The following PTPN4 variants were observed in gnomAD, a reference collection of about 807,000 sequenced individuals.
The protein encoded by PTPN4 is protein tyrosine phosphatase non-receptor type 4, also known as tyrosine-protein phosphatase non-receptor type 4.
Under a neutral mutation model 135.5 loss-of-function variants are expected in PTPN4, and 49 were observed. The ratio of observed to expected loss-of-function variants is 0.36; its 90% CI spans 0.29 to 0.46. The LOEUF (loss-of-function observed/expected upper bound fraction) is 0.46, where lower values mean the gene tolerates loss of function less well. Ranked by LOEUF, PTPN4 falls within the 20% of genes least tolerant of loss-of-function variation. The pLI is 1.00. For synonymous variants in PTPN4, 333 were observed against 369.9 expected (o/e 0.90, Z 1.14); for missense variants, 860 against 1,101.0 (o/e 0.78, Z 3.10).
At chr2:119,821,184 CCAGGTTCAAGTGATTCTTCTGCCT>C (rs1677064086) in intron 2 of PTPN4, among the ~76,000 whole-genome samples, 1 of 151,420 alleles carries the variant, frequency 6.6e-6, no homozygotes, top group Non-Finnish European at 1.5e-5. Context: ...CCTCCGCCTC[CCAGGTTCAAGTGATTCTTCTGCCT>C]CAGCCTCCCA....
chr2:119,903,003 A>G (rs375228220), intron 10 of PTPN4, among the ~76,000 whole-genome samples: 18 of 152,050 alleles, frequency 1.2e-4, no homozygotes, highest in African/African-American at 4.3e-4. Flanking sequence ...GCATTTCCCC[A>G]CTGACAACCC....
At chr2:119,816,916 G>T (rs1676995851) in intron 2 of PTPN4, among the ~76,000 whole-genome samples, 1 of 152,170 alleles carries the variant, frequency 6.6e-6, no homozygotes, top group African/African-American at 2.4e-5. Flanking sequence ...GCAATCTCAA[G>T]CAGTTGATTC....
chr2:119,777,325 T>C (rs1690854175), intron 1 of PTPN4, among the ~76,000 whole-genome samples: 2 of 152,214 alleles, frequency 1.3e-5, no homozygotes, highest in African/African-American at 4.8e-5. Flanking sequence ...AGCCATGGCT[T>C]TCCTGAGCAC....
chr2:119,859,112 C>G (rs889598737), intron 2 of PTPN4, among the ~76,000 whole-genome samples: 2 of 151,958 alleles, frequency 1.3e-5, no homozygotes, highest in African/African-American at 4.8e-5. Context: ...TATTACTTTG[C>G]TGAAATAATC....
In PTPN4 at chr2:119,967,937, A is replaced by G. The variant is rs747402688; in HGVS notation, c.2659A>G (p.Met887Val). ...PVYPLDIVRTMRDQRAMMIQT... is the reference protein window; with the variant it reads ...PVYPLDIVRTVRDQRAMMIQT... ...TTATCCACTAGATATTGTAAGAACA[A>G]TGAGAGATCAGCGAGCCATGATGAT... Residue 887 changes from methionine (M) to valine (V), a missense_variant, in exon 26 of 27, where the codon ATG becomes GTG. Met to Val is a conservative substitution (Grantham distance 21). Transcript: ENST00000263708. 2 of 1,608,340 alleles carry G rather than the reference A, an allele frequency of 1.2e-6. No homozygotes were observed. Among genetic ancestry groups the G allele is most frequent in the Non-Finnish European group, 1.7e-6 (2 of 1,176,062 alleles).
At chr2:119,870,826 G>C (rs1558750249) in intron 3 of PTPN4, among the ~76,000 whole-genome samples, 1 of 151,926 alleles carries the variant, frequency 6.6e-6, no homozygotes, top group Admixed American at 6.6e-5. Flanking sequence ...AGTATAGTTG[G>C]GTAAGAGTTG....
rs569252282 is a variant in PTPN4, at chr2:119,917,464, T to C, written c.828+2222T>C. ...AAGATGGTATACAGGCCAGGTGCGGTGGCTCACGCCTGTAATCCCAGCACT... is the reference window on the plus strand; with the variant it reads ...AAGATGGTATACAGGCCAGGTGCGGCGGCTCACGCCTGTAATCCCAGCACT... On this transcript the variant is annotated intron_variant, in intron 11 of 26. Coordinates refer to ENST00000263708, the MANE Select transcript of PTPN4 (RefSeq NM_002830.4). Among the ~76,000 whole-genome samples the C allele has an allele frequency of 3.6e-3, 549 of 152,302 alleles. 3 individuals carry two copies. The highest frequency in any genetic ancestry group is 0.013 in the African/African-American group (527 of 41,568).
rs1416722732 is a variant in PTPN4, at chr2:119,820,927, A to G, written c.138+10936A>G. 2.0e-5 allele frequency among the ~76,000 whole-genome samples: 3 copies of G among 151,456 alleles called. No individual in the cohort carries two copies. In the East Asian group the frequency reaches 5.8e-4, roughly 29 times the overall value. On this transcript the variant is annotated intron_variant, in intron 2 of 26. Transcript: ENST00000263708. Reference sequence around the variant, plus strand: ...TGGACTTGCATGTGTATATGTATACACGTATACATGTATGCACACATAGCA... The same window carrying G: ...TGGACTTGCATGTGTATATGTATACGCGTATACATGTATGCACACATAGCA...
chr2:119,779,587 A>T (rs1690900051), intron 1 of PTPN4, among the ~76,000 whole-genome samples: 1 of 150,760 alleles, frequency 6.6e-6, no homozygotes, highest in Non-Finnish European at 1.5e-5. Flanking sequence ...ACTGCACTCC[A>T]GCCTGGGCAA....
At chr2:119,958,724 C>A (rs894404303) in intron 22 of PTPN4, among the ~76,000 whole-genome samples, 4 of 152,136 alleles carry the variant, frequency 2.6e-5, no homozygotes, top group Non-Finnish European at 5.9e-5. Flanking sequence ...ATTAGCTGAT[C>A]AATACATACT....
At chr2:119,852,098 T>C (rs1227545647) in intron 2 of PTPN4, among the ~76,000 whole-genome samples, 1 of 152,248 alleles carries the variant, frequency 6.6e-6, no homozygotes, top group African/African-American at 2.4e-5. Flanking sequence ...TGTAAATGTT[T>C]TTGGAGTGTG....
At chr2:119,786,046 T>G (rs1038350591) in intron 1 of PTPN4, among the ~76,000 whole-genome samples, 44 of 152,166 alleles carry the variant, frequency 2.9e-4, no homozygotes, top group Admixed American at 2.6e-4. Flanking sequence ...CCTTACTATT[T>G]AGTGGTTTTA....
At chr2:119,763,806 A>G (rs1047727869) in intron 1 of PTPN4, among the ~76,000 whole-genome samples, 2 of 152,176 alleles carry the variant, frequency 1.3e-5, no homozygotes, top group African/African-American at 4.8e-5. Flanking sequence ...ATTTAAATCA[A>G]TTTAAATTTA....
At position 119,955,278 on chromosome 2, in the gene PTPN4, G is replaced by A; in HGVS notation, c.1935G>A (p.Gln645=). ...DDHSLRESMI[Q]LAEGLITGTV... is the part of the protein sequence containing the mutation. ...ATTCCCTGCGGGAGTCAATGATCCA[G>A]CTAGCTGAGGGGCTTATCACTGGAA... is the stretch of plus-strand genomic sequence containing the variant. Residue 645 remains glutamine (Q), a synonymous_variant, in exon 20 of 27, where the codon CAG becomes CAA. Transcript: ENST00000263708. 1 of 1,613,336 alleles carries A rather than the reference G, an allele frequency of 6.2e-7. No homozygotes were observed. The highest frequency in any genetic ancestry group is 2.2e-5 in the East Asian group (1 of 44,856).
At chr2:119,945,311 C>G in intron 16 of PTPN4, 71 bp downstream of exon 16, 3 of 1,394,714 alleles carry the variant, frequency 2.2e-6, no homozygotes, top group Non-Finnish European at 1.9e-6. Flanking sequence ...TTCTTTTGTA[C>G]TTTGGCAGTT....
chr2:119,899,192 A>C (rs185221591), intron 9 of PTPN4, among the ~76,000 whole-genome samples: 29 of 152,296 alleles, frequency 1.9e-4, no homozygotes, highest in African/African-American at 6.3e-4. Flanking sequence ...CCTACTGTCC[A>C]CAATTGCTGT....
intron 1 of PTPN4, among the ~76,000 whole-genome samples, chr2:119,809,114 T>C (rs577532153): frequency 1.3e-5 from 2 of 152,176 alleles, no homozygotes; most frequent in South Asian, 4.1e-4. Flanking sequence ...GAATGTTAAT[T>C]TTCTAGGTAT....
chr2:119,819,186 G>A (rs562258952), intron 2 of PTPN4, among the ~76,000 whole-genome samples: 1 of 152,168 alleles, frequency 6.6e-6, no homozygotes, highest in Admixed American at 6.5e-5. Flanking sequence ...TGGTTTGGCA[G>A]GTGCCCCCAA....
intron 9 of PTPN4, among the ~76,000 whole-genome samples, chr2:119,892,776 C>T (rs1678260522): frequency 6.6e-6 from 1 of 151,248 alleles, no homozygotes; most frequent in African/African-American, 2.4e-5. Context: ...GGCTGGAGTG[C>T]ATTGGTGCAA....
Sources: gnomAD v4.1 joint callset for allele counts (sites outside exome capture counted in the v4.1 genomes callset) on GRCh38, gnomAD v4.1.1 for gene constraint, MANE v1.5 for transcripts, NCBI Gene and HGNC (gene_info 2026-07-23, HGNC 2026-07-21) for gene names.